WDR75: variants seen among roughly 807,000 people sequenced by gnomAD.
WDR75 encodes WD repeat domain 75.
In WDR75, 52 loss-of-function variants were observed where a neutral mutation model predicts 106.1. That is an observed-to-expected ratio of 0.49 (90% CI 0.39 to 0.62). WDR75 has a LOEUF of 0.62. Among genes scored for constraint, WDR75 ranks in the 20% least tolerant of loss-of-function variants. The pLI is 0.00. For missense variants in WDR75, 905 were observed against 970.3 expected, an observed-to-expected ratio of 0.93 and a Z score of 0.89; for synonymous variants, 333 against 335.5, an observed-to-expected ratio of 0.99 and a Z score of 0.08.
intron 2 of WDR75, chr2:189,450,672 G>T: frequency 7.5e-7 from 1 of 1,332,148 alleles, no homozygotes; most frequent in Non-Finnish European, 9.5e-7. Context: ...CAGAAAGTTG[G>T]CTTTTTTCCT....
At chr2:189,469,586 T>C (rs1470397346) in intron 16 of WDR75, 147 bp downstream of exon 16, 3 of 638,312 alleles carry the variant, frequency 4.7e-6, no homozygotes, top group Non-Finnish European at 8.3e-6. Flanking sequence ...CCCAACACTT[T>C]GTCATTGTGT....
chr2:189,457,443 C>T (rs1255663703), intron 6 of WDR75, 62 bp downstream of exon 6: 5 of 1,061,568 alleles, frequency 4.7e-6, no homozygotes, highest in Non-Finnish European at 7.0e-6. Flanking sequence ...AATTTTATTT[C>T]TTCCTAATAC....
chr2:189,475,118 T>C (rs1687187687), intron 20 of WDR75, 95 bp from the exon 21 acceptor site: 1 of 977,578 alleles, frequency 1.0e-6, no homozygotes, highest in Non-Finnish European at 1.5e-6. Flanking sequence ...CTTCATTTAC[T>C]TTGTGTGATT....
chr2:189,466,666 G>C (rs552706852), intron 13 of WDR75, 84 bp downstream of exon 13: 3 of 1,378,410 alleles, frequency 2.2e-6, no homozygotes, highest in South Asian at 2.9e-5. Flanking sequence ...TCCATCCTGG[G>C]AGGACATTTT....
rs1249991013 is a variant in WDR75 at position 189,460,023 on chromosome 2, G to T, written c.778+599G>T. On this transcript the variant is annotated intron_variant, in intron 8 of 20. Transcript: ENST00000314761. ...ATGACTTCTGTCACAGCTTTGTGTA[G>T]TGTAGCTATAGCGAGTAAAAATACC... Among the ~76,000 whole-genome samples, 4 of 152,276 alleles carry T rather than the reference G, an allele frequency of 2.6e-5. No individual in the cohort carries two copies. In the East Asian group the frequency reaches 7.7e-4, roughly 29 times the overall value.
intron 8 of WDR75, among the ~76,000 whole-genome samples, chr2:189,460,770 T>G (rs1686863609): frequency 6.6e-6 from 1 of 152,138 alleles, no homozygotes; most frequent in African/African-American, 2.4e-5. Flanking sequence ...CCTCCCAAAG[T>G]GCTGGGATTA....
At chr2:189,460,649 C>A (rs1489364189) in intron 8 of WDR75, among the ~76,000 whole-genome samples, 1 of 133,376 alleles carries the variant, frequency 7.5e-6, no homozygotes, top group Non-Finnish European at 1.6e-5. Context: ...GGACTACAGG[C>A]ACGCACCACC....
intron 2 of WDR75, chr2:189,450,650 C>A: frequency 1.5e-6 from 2 of 1,292,442 alleles, no homozygotes; most frequent in Middle Eastern, 3.0e-4. Context: ...CTTACCATCT[C>A]CCTCTTCAAG....
At chr2:189,444,985 T>A (rs1686464857) in intron 1 of WDR75, among the ~76,000 whole-genome samples, 1 of 152,198 alleles carries the variant, frequency 6.6e-6, no homozygotes, top group Admixed American at 6.5e-5. Flanking sequence ...TTCTTACTTC[T>A]TCACTTTCTC....
intron 1 of WDR75, among the ~76,000 whole-genome samples, chr2:189,445,856 C>T (rs1574186203): frequency 6.6e-6 from 1 of 152,042 alleles, no homozygotes. Flanking sequence ...AATTAGAAAA[C>T]GTGTTCTATG....
chr2:189,474,864 T>C, intron 20 of WDR75, 56 bp downstream of exon 20: 4 of 1,399,926 alleles, frequency 2.9e-6, no homozygotes, highest in Non-Finnish European at 4.0e-6. Context: ...CAGGATCGTT[T>C]GTGTTTATCC....
At chr2:189,443,889 A>T (rs1311417685) in intron 1 of WDR75, among the ~76,000 whole-genome samples, 1 of 152,182 alleles carries the variant, frequency 6.6e-6, no homozygotes, top group Non-Finnish European at 1.5e-5. Flanking sequence ...CCAAGCAAGA[A>T]ATCACTTTTG....
At position 189,448,514 on chromosome 2, in the gene WDR75, A is replaced by G; in HGVS notation, c.216+6A>G. ...ACCCCAACAACCATCTACAGGTGTC[A>G]AACAGTTTATAGCTGAATACTTTAA... is the stretch of plus-strand genomic sequence containing the variant. On this transcript the variant is annotated splice_donor_region_variant and intron_variant, in intron 2 of 20. Transcript: ENST00000314761. 2 of 1,613,574 alleles carry G rather than the reference A, an allele frequency of 1.2e-6. No individual in the cohort carries two copies. Among genetic ancestry groups the G allele is most frequent in the Non-Finnish European group, 1.7e-6 (2 of 1,179,708 alleles).
chr2:189,473,602 C>T (rs936241853), intron 18 of WDR75, among the ~76,000 whole-genome samples: 2 of 152,158 alleles, frequency 1.3e-5, no homozygotes, highest in East Asian at 3.9e-4. Context: ...ATGTAGAGCC[C>T]TCTGCTGGGG....
At chr2:189,442,533 C>T (rs1686401858) in intron 1 of WDR75, among the ~76,000 whole-genome samples, 2 of 137,218 alleles carry the variant, frequency 1.5e-5, no homozygotes, top group Admixed American at 1.7e-4. Context: ...TCATTGCAAC[C>T]TCCGCCTCCC....
intron 6 of WDR75, 136 bp downstream of exon 6, chr2:189,457,517 G>T: frequency 1.6e-6 from 1 of 613,728 alleles, no homozygotes; most frequent in Non-Finnish European, 2.8e-6. Flanking sequence ...AAGTATGGAG[G>T]TACAGTTTTT....
chr2:189,466,404 T>A (rs1048261616), intron 12 of WDR75, 21 bp from the exon 13 acceptor site: 3 of 1,609,838 alleles, frequency 1.9e-6, no homozygotes, highest in Non-Finnish European at 2.5e-6. Flanking sequence ...AAGAATAAAT[T>A]TGTGGTTTCC....
rs781177106 is a variant in WDR75 at position 189,469,354 on chromosome 2, T to C, written c.1734T>C (p.Asn578=). 2.5e-6 allele frequency: 4 copies of C among 1,613,138 alleles called. No homozygotes were observed. In the Admixed American group the frequency reaches 6.7e-5, roughly 27 times the overall value. Residue 578 remains asparagine, a synonymous_variant, in exon 16 of 21, where the codon AAT becomes AAC. Transcript: ENST00000314761. Reference sequence around the variant, plus strand: ...TGTTTTTCCCCTCAGTGGAGTGGAATGCAAAATTAAATGTTAGAGTTATGG... The same window carrying C: ...TGTTTTTCCCCTCAGTGGAGTGGAACGCAAAATTAAATGTTAGAGTTATGG... The part of the protein sequence containing the change: ...WNLLSCALEW[N]AKLNVRVMEP...
Position 189,474,441 on chromosome 2 carries a change from C to T in WDR75, c.2196+109C>T, listed in dbSNP as rs570527619. 45 of 1,276,682 alleles carry T rather than the reference C, an allele frequency of 3.5e-5. 1 individual carries two copies. In the South Asian group the frequency reaches 4.5e-4, roughly 13 times the overall value. The allele number at this position is 1,276,682 out of a possible 1,614,324, so 79.1% of individuals were successfully genotyped here. A position where few individuals can be genotyped will look rare whatever the true frequency, so the allele number is the denominator to read the frequency against. ...ATTTGTATGCTGTACAACTTTAATA[C>T]CCAAACTAAATAACTAACAACAAAC... is the stretch of plus-strand genomic sequence containing the variant. On this transcript the variant is annotated intron_variant, in intron 19 of 20. Coordinates refer to ENST00000314761, the MANE Select transcript of WDR75 (RefSeq NM_032168.3).
Sources: gnomAD v4.1 joint callset for allele counts (sites outside exome capture counted in the v4.1 genomes callset) on GRCh38, gnomAD v4.1.1 for gene constraint, MANE v1.5 for transcripts, NCBI Gene and HGNC (gene_info 2026-07-23, HGNC 2026-07-21) for gene names.